Variants in GOLIM4 observed in about 807,000 individuals in gnomAD.
GOLIM4 encodes golgi integral membrane protein 4.
Under a neutral mutation model 107.4 loss-of-function variants are expected in GOLIM4, and 71 were observed. The observed-to-expected ratio is 0.66, with a 90% CI of 0.55 to 0.81. GOLIM4 has a LOEUF of 0.81. Among genes scored for constraint, GOLIM4 ranks in the 30% least tolerant of loss-of-function variants. GOLIM4 has a pLI of 0.00. For synonymous variants in GOLIM4, 327 were observed against 294.8 expected, an observed-to-expected ratio of 1.11 and a Z score of -1.12; for missense variants, 830 against 826.1, an observed-to-expected ratio of 1.00 and a Z score of -0.06.
rs554857484 is a variant in GOLIM4, at chr3:168,036,841, G to C, written c.838C>G (p.Gln280Glu). ...TACCAGTTCACGCCCCTTACCTCCTGCACCTCTCGGGTTGGCTTCTCCCTT... is the reference window on the plus strand; with the variant it reads ...TACCAGTTCACGCCCCTTACCTCCTCCACCTCTCGGGTTGGCTTCTCCCTT... ...TAREKPTREV[Q>E]EVSRNNDVWQ... Residue 280 changes from glutamine (Q) to glutamate (E), a missense_variant, in exon 8 of 16, where the codon CAG becomes GAG. Coordinates refer to ENST00000470487, the MANE Select transcript of GOLIM4 (RefSeq NM_014498.5). 2 of 1,611,928 alleles carry C rather than the reference G, an allele frequency of 1.2e-6. No individual in the cohort carries two copies. Among genetic ancestry groups the C allele is most frequent in the African/African-American group, 2.7e-5 (2 of 74,998 alleles).
chr3:168,081,195 A>G (rs1263761321), intron 1 of GOLIM4, among the ~76,000 whole-genome samples: 2 of 152,172 alleles, frequency 1.3e-5, no homozygotes, highest in Non-Finnish European at 2.9e-5. Context: ...ATCAAGGACA[A>G]TGTGCCAGAG....
chr3:168,080,107 G>T lies in GOLIM4; in HGVS notation c.187+14992C>A, dbSNP rs944163555. 4.6e-5 allele frequency among the ~76,000 whole-genome samples: 7 copies of T among 152,006 alleles called. No individual in the cohort carries two copies. In the East Asian group the frequency reaches 5.8e-4, roughly 13 times the overall value. On this transcript the variant is annotated intron_variant, in intron 1 of 15. Coordinates refer to ENST00000470487, the MANE Select transcript of GOLIM4 (RefSeq NM_014498.5). ...AGTATATAATAACAAAAAGTTTCAA[G>T]AATTAGAAGAACAGTTGGGTAACAT...
At position 168,030,136 on chromosome 3, in the gene GOLIM4, T is replaced by G. The variant is rs1457116923; in HGVS notation, c.1177-100A>C. ...ACAAACTCAGGAGGCAGAGCTGGTT[T>G]ATTAACGACTATTTGTCAGGTGAAC... On this transcript the variant is annotated intron_variant, in intron 9 of 15. Coordinates refer to ENST00000470487, the MANE Select transcript of GOLIM4 (RefSeq NM_014498.5). 4.5e-6 allele frequency: 5 copies of G among 1,118,934 alleles called. No homozygotes were observed. In the African/African-American group the frequency reaches 6.2e-5, roughly 14 times the overall value. 69.3% of individuals were successfully genotyped at this position (1,118,934 alleles called of 1,614,324 possible).
chr3:168,038,921 G>GGA (rs1400186598), intron 7 of GOLIM4, among the ~76,000 whole-genome samples: 2 of 152,180 alleles, frequency 1.3e-5, no homozygotes, highest in Non-Finnish European at 2.9e-5. Flanking sequence ...AAGGGATCCA[G>GGA]GAGAGCTTTC....
chr3:168,089,950 T>C (rs973114204), intron 1 of GOLIM4, among the ~76,000 whole-genome samples: 8 of 152,038 alleles, frequency 5.3e-5, no homozygotes, highest in African/African-American at 1.9e-4. Flanking sequence ...GTATTTTTAG[T>C]AGAGATGAGG....
intron 1 of GOLIM4, among the ~76,000 whole-genome samples, chr3:168,075,301 T>G (rs1222268290): frequency 1.5e-5 from 2 of 137,238 alleles, no homozygotes; most frequent in East Asian, 4.1e-4. Flanking sequence ...TTTTTTTTTT[T>G]TTTTTTTTTT....
At chr3:168,070,196 A>G (rs1577562830) in intron 1 of GOLIM4, among the ~76,000 whole-genome samples, 1 of 152,326 alleles carries the variant, frequency 6.6e-6, no homozygotes, top group East Asian at 1.9e-4. Context: ...GATGGAGACC[A>G]TCCTGGCTAA....
chr3:168,090,250 T>C (rs1721840874), intron 1 of GOLIM4, among the ~76,000 whole-genome samples: 1 of 149,304 alleles, frequency 6.7e-6, no homozygotes, highest in South Asian at 2.1e-4. Context: ...GCCTACAAAA[T>C]AGGAAAAAAT....
intron 1 of GOLIM4, among the ~76,000 whole-genome samples, chr3:168,063,281 G>A (rs1720363541): frequency 6.6e-6 from 1 of 152,186 alleles, no homozygotes; most frequent in Non-Finnish European, 1.5e-5. Flanking sequence ...TCTAAAATCT[G>A]CTTCCCCAGT....
rs755675946 is a variant in GOLIM4, at chr3:168,010,754, T to C, written c.1930A>G (p.Asn644Asp). The C allele has an allele frequency of 4.4e-6, 7 of 1,608,438 alleles. No homozygotes were observed. Among genetic ancestry groups the C allele is most frequent in the Non-Finnish European group, 6.0e-6 (7 of 1,175,194 alleles). ...TATCCCGGTCATACATTTTCATCAT[T>C]TTCACCATAGGTCTCTTCAGCATTA... ...EHNAEETYGE[N>D]DENTDDKNND... Residue 644 changes from asparagine (N) to aspartate (D), a missense_variant, in exon 15 of 16, where the codon AAT becomes GAT. Physicochemically the swap from Asn to Asp is conservative, Grantham distance 23. Transcript: ENST00000470487.
At position 168,095,526 on chromosome 3, in the gene GOLIM4, C is replaced by T. The variant is rs926257968; in HGVS notation, c.-241G>A. The T allele has an allele frequency of 1.0e-5, 5 of 487,286 alleles. No homozygotes were observed. Among genetic ancestry groups the T allele is most frequent in the Non-Finnish European group, 1.4e-5 (4 of 277,166 alleles). The allele number at this position is 487,286 out of a possible 1,614,324, so 30.2% of individuals were successfully genotyped here. A position where few individuals can be genotyped will look rare whatever the true frequency, so the allele number is the denominator to read the frequency against. On this transcript the variant is annotated 5_prime_UTR_variant, in exon 1 of 16. Transcript: ENST00000470487. ...AAACTTCTGCGAGGCTCGTTCTCCG[C>T]GAATGCCCGGGGCCGGGAGGAGGCC...
rs1037112201 is a variant in GOLIM4, at chr3:168,060,813, T to C, written c.188-12448A>G. ...CTCACCCACTCCCCATGAGCTTTTC[T>C]AGGGGAGTTTTGTCAATACTATGTT... is the stretch of plus-strand genomic sequence containing the variant. On this transcript the variant is annotated intron_variant, in intron 1 of 15. Transcript: ENST00000470487. Among the ~76,000 whole-genome samples the C allele has an allele frequency of 5.3e-5, 8 of 152,270 alleles. No individual in the cohort carries two copies. The East Asian group carries it at 1.3e-3, about 26-fold the overall frequency.
At chr3:168,042,941 C>CT (rs1288968083) in intron 5 of GOLIM4, among the ~76,000 whole-genome samples, 1 of 152,172 alleles carries the variant, frequency 6.6e-6, no homozygotes, top group Non-Finnish European at 1.5e-5. Context: ...AGAACTTGAG[C>CT]TTTTTTCAGT....
intron 1 of GOLIM4, among the ~76,000 whole-genome samples, chr3:168,083,834 C>A (rs530076062): frequency 1.3e-5 from 2 of 152,328 alleles, no homozygotes; most frequent in South Asian, 2.1e-4. Flanking sequence ...CTGTAATTCA[C>A]AATCTCACTA....
intron 1 of GOLIM4, among the ~76,000 whole-genome samples, chr3:168,051,883 G>A (rs540712833): frequency 2.0e-5 from 3 of 152,120 alleles, no homozygotes; most frequent in African/African-American, 7.2e-5. Context: ...AAAGAATAAA[G>A]GAAAACAAAC....
chr3:168,060,738 A>T (rs1179448642), intron 1 of GOLIM4, among the ~76,000 whole-genome samples: 2 of 152,214 alleles, frequency 1.3e-5, no homozygotes, highest in Non-Finnish European at 2.9e-5. Context: ...GCCCAACTCA[A>T]ATCTACTGAA....
At chr3:168,048,270 A>G (rs1237302431) in intron 2 of GOLIM4, 21 bp downstream of exon 2, 3 of 1,238,796 alleles carry the variant, frequency 2.4e-6, no homozygotes, top group Non-Finnish European at 3.5e-6. Flanking sequence ...AACACAGAAC[A>G]CAAATTATGT....
intron 1 of GOLIM4, among the ~76,000 whole-genome samples, chr3:168,064,481 G>A (rs1169904137): frequency 6.6e-6 from 1 of 152,110 alleles, no homozygotes; most frequent in African/African-American, 2.4e-5. Context: ...TCCGTTATAA[G>A]AAGAGTTGAA....
intron 11 of GOLIM4, 61 bp from the exon 12 acceptor site, chr3:168,027,898 C>T: frequency 8.9e-7 from 1 of 1,128,098 alleles, no homozygotes; most frequent in Non-Finnish European, 1.3e-6. Context: ...TCCCTTTCAA[C>T]TCAAAGAAAA....
Sources: gnomAD v4.1 joint callset for allele counts (sites outside exome capture counted in the v4.1 genomes callset) on GRCh38, gnomAD v4.1.1 for gene constraint, MANE v1.5 for transcripts, NCBI Gene and HGNC (gene_info 2026-07-23, HGNC 2026-07-21) for gene names.